The following LRRTM4 variants were observed in gnomAD, a reference collection of about 807,000 sequenced individuals.
LRRTM4 encodes the protein leucine-rich repeat transmembrane neuronal protein 4.
In LRRTM4, 25 loss-of-function variants were observed where a neutral mutation model predicts 47.6. That is an observed-to-expected ratio of 0.53 (90% CI 0.38 to 0.73). The LOEUF (loss-of-function observed/expected upper bound fraction) is 0.73, where lower values mean the gene tolerates loss of function less well. Among genes scored for constraint, LRRTM4 ranks in the 30% least tolerant of loss-of-function variants. LRRTM4 has a pLI of 0.00. For synonymous variants in LRRTM4, 311 were observed against 269.5 expected (o/e 1.15, Z -1.51); for missense variants, 638 against 713.4 (o/e 0.89, Z 1.20).
intron 3 of LRRTM4, among the ~76,000 whole-genome samples, chr2:76,937,071 A>ATTAT (rs1674979146): frequency 2.6e-5 from 4 of 151,528 alleles, no homozygotes; most frequent in Admixed American, 2.6e-4. Flanking sequence ...AAGGCCTTTA[A>ATTAT]TAAGCATCAT....
chr2:77,477,989 A>G (rs944468195), intron 3 of LRRTM4, among the ~76,000 whole-genome samples: 2 of 151,864 alleles, frequency 1.3e-5, no homozygotes, highest in Non-Finnish European at 2.9e-5. Context: ...AAGCCACATG[A>G]GGCAATTATT....
intron 3 of LRRTM4, among the ~76,000 whole-genome samples, chr2:76,986,855 A>T (rs770388336): frequency 6.6e-5 from 10 of 151,888 alleles, no homozygotes; most frequent in African/African-American, 2.4e-4. Context: ...TTTACTTTCT[A>T]TTGTATGCAA....
chr2:77,116,714 AT>A (rs1298100102), intron 3 of LRRTM4, among the ~76,000 whole-genome samples: 3 of 151,798 alleles, frequency 2.0e-5, no homozygotes, highest in South Asian at 2.1e-4. Flanking sequence ...TCTTACTTTT[AT>A]TTTTTTCCAT....
intron 3 of LRRTM4, among the ~76,000 whole-genome samples, chr2:77,225,931 A>G (rs1294933640): frequency 6.6e-6 from 1 of 152,020 alleles, no homozygotes; most frequent in East Asian, 1.9e-4. Flanking sequence ...TAAATAGTTA[A>G]GTAGCTATTA....
intron 3 of LRRTM4, among the ~76,000 whole-genome samples, chr2:76,790,537 T>G (rs935286703): frequency 1.3e-5 from 2 of 152,186 alleles, no homozygotes; most frequent in East Asian, 3.9e-4. Context: ...CTTTGGGGTT[T>G]AAATAAGAAA....
chr2:77,307,152 G>A (rs192479247), intron 3 of LRRTM4, among the ~76,000 whole-genome samples: 2,149 of 151,598 alleles, frequency 0.014, 23 homozygotes, highest in Non-Finnish European at 0.021. Flanking sequence ...CGCCCGCCTC[G>A]GCCTCCCAAA....
At chr2:77,439,095 AG>A (rs1428283585) in intron 3 of LRRTM4, among the ~76,000 whole-genome samples, 1 of 152,226 alleles carries the variant, frequency 6.6e-6, no homozygotes, top group Non-Finnish European at 1.5e-5. Flanking sequence ...AGCAGTGTAA[AG>A]CTCAGAACCA....
intron 3 of LRRTM4, among the ~76,000 whole-genome samples, chr2:77,250,695 G>A (rs920401692): frequency 2.6e-5 from 4 of 152,130 alleles, no homozygotes; most frequent in Non-Finnish European, 5.9e-5. Context: ...AAGCACATGG[G>A]TTTGATTTCT....
intron 3 of LRRTM4, among the ~76,000 whole-genome samples, chr2:77,216,889 G>A (rs529506592): frequency 3.3e-5 from 5 of 151,900 alleles, no homozygotes; most frequent in East Asian, 1.9e-4. Context: ...TGGCTAACAC[G>A]GTGAAACCCC....
At position 77,069,429 on chromosome 2, in the gene LRRTM4, G is replaced by GTT. The variant is rs201648828; in HGVS notation, c.1552-320514_1552-320513insAA. Among the ~76,000 whole-genome samples the GTT allele has an allele frequency of 7.5e-3, 1,131 of 149,878 alleles. 13 individuals are homozygous for GTT. Among genetic ancestry groups the GTT allele is most frequent in the African/African-American group, 0.025 (1,024 of 40,554 alleles). On this transcript the variant is annotated intron_variant, in intron 3 of 3. Transcript: ENST00000409884. ...TGTGTGTGTGTGTGTGTGTGTGTGTGTGTGTGTGTTTGTGTGTGTTGGAAG... is the reference window on the plus strand; with the variant it reads ...TGTGTGTGTGTGTGTGTGTGTGTGTGTTTGTGTGTGTTTGTGTGTGTTGGAAG...
intron 3 of LRRTM4, among the ~76,000 whole-genome samples, chr2:76,923,183 G>C (rs74984883): frequency 0.07 from 10,625 of 151,334 alleles, 858 homozygotes; most frequent in African/African-American, 0.19. Context: ...AAAAGAGATA[G>C]GTTTTAACTA....
At chr2:77,208,953 G>C (rs1404153528) in intron 3 of LRRTM4, among the ~76,000 whole-genome samples, 7 of 152,054 alleles carry the variant, frequency 4.6e-5, no homozygotes. Context: ...AAGTAATTCT[G>C]TGATTCAGTA....
intron 3 of LRRTM4, among the ~76,000 whole-genome samples, chr2:77,211,581 A>G (rs772489156): frequency 3.9e-5 from 6 of 152,246 alleles, no homozygotes; most frequent in South Asian, 2.1e-4. Context: ...AAGAGTATAT[A>G]TTTCTTGCTA....
At chr2:77,044,417 C>G (rs1573492640) in intron 3 of LRRTM4, among the ~76,000 whole-genome samples, 1 of 151,712 alleles carries the variant, frequency 6.6e-6, no homozygotes, top group African/African-American at 2.4e-5. Context: ...ATGCTAACTT[C>G]TATCCTATTC....
At chr2:76,755,497 T>C (rs1339396177) in intron 3 of LRRTM4, among the ~76,000 whole-genome samples, 1 of 152,136 alleles carries the variant, frequency 6.6e-6, no homozygotes, top group Non-Finnish European at 1.5e-5. Context: ...AAACCAAAAC[T>C]CTTAGAAACT....
intron 3 of LRRTM4, among the ~76,000 whole-genome samples, chr2:77,148,526 A>C (rs1168874088): frequency 6.6e-6 from 1 of 152,174 alleles, no homozygotes; most frequent in Non-Finnish European, 1.5e-5. Flanking sequence ...ACTTTGTTGC[A>C]TTTGAACATT....
chr2:77,024,885 C>T (rs2121407), intron 3 of LRRTM4, among the ~76,000 whole-genome samples: 18,783 of 152,114 alleles, frequency 0.12, 1,439 homozygotes, highest in Admixed American at 0.19. Flanking sequence ...AAATGTAGGA[C>T]ACTTCTTAAT....
intron 3 of LRRTM4, among the ~76,000 whole-genome samples, chr2:76,797,980 C>G (rs1422234655): frequency 6.8e-6 from 1 of 147,574 alleles, no homozygotes; most frequent in South Asian, 2.1e-4. Context: ...TCCTGAGTGA[C>G]CTACAAAGAG....
intron 3 of LRRTM4, among the ~76,000 whole-genome samples, chr2:77,100,095 C>T (rs1670913262): frequency 6.6e-6 from 1 of 152,020 alleles, no homozygotes; most frequent in African/African-American, 2.4e-5. Flanking sequence ...TCTGTCATTT[C>T]TGCATCATTT....
Sources: allele counts gnomAD v4.1 joint callset (sites outside exome capture counted in the v4.1 genomes callset), GRCh38; gene constraint gnomAD v4.1.1; transcripts MANE v1.5; gene names NCBI Gene and HGNC (gene_info 2026-07-23, HGNC 2026-07-21).